TMEM243: variants seen among roughly 807,000 people sequenced by gnomAD.
The protein encoded by TMEM243 is MDR1 and mitochondrial taxol resistance associated.
In TMEM243, 20 loss-of-function variants were observed where a neutral mutation model predicts 15.0. The ratio of observed to expected loss-of-function variants is 1.33; its 90% CI spans 0.94 to 1.93. The LOEUF is 1.93. Among genes scored for constraint, TMEM243 ranks in the 30% most tolerant of loss-of-function variants. TMEM243 has a pLI of 0.00. For synonymous variants in TMEM243, 72 were observed against 52.7 expected, an observed-to-expected ratio of 1.37 and a Z score of -1.59; for missense variants, 156 against 142.1, an observed-to-expected ratio of 1.10 and a Z score of -0.50.
intron 1 of TMEM243, among the ~76,000 whole-genome samples, chr7:87,201,446 A>G (rs1215793499): frequency 2.0e-5 from 3 of 152,226 alleles, no homozygotes; most frequent in Admixed American, 6.5e-5. Context: ...GCTGTGCTCT[A>G]AAGTTTAGTC....
At chr7:87,200,588 A>G (rs1229523704) in intron 1 of TMEM243, among the ~76,000 whole-genome samples, 1 of 152,226 alleles carries the variant, frequency 6.6e-6, no homozygotes, top group Admixed American at 6.5e-5. Flanking sequence ...AATGACACAC[A>G]GCAAGTTGCC....
At chr7:87,219,987 C>G (rs981456601), upstream of TMEM243, among the ~76,000 whole-genome samples, 1 of 152,212 alleles carries the variant, frequency 6.6e-6, no homozygotes, top group African/African-American at 2.4e-5. Context: ...ACGGTAAGCA[C>G]GTATTCCTTC....
chr7:87,209,607 A>AGT (rs1562884662), intron 1 of TMEM243, among the ~76,000 whole-genome samples: 159 of 139,586 alleles, frequency 1.1e-3, no homozygotes, highest in African/African-American at 4.0e-3. Context: ...TGAGAGAGAG[A>AGT]GAGACAGAGA....
rs187276056 is a variant in TMEM243 at position 87,214,475 on chromosome 7, C to T, written c.78+4951G>A. Among the ~76,000 whole-genome samples the T allele has an allele frequency of 1.6e-3, 248 of 152,272 alleles. 1 individual carries two copies. The highest frequency in any genetic ancestry group is 5.7e-3 in the African/African-American group (235 of 41,548). ...TGAACCATGTTTCCCAAAGTATATT[C>T]TGCAGAAACGTATCTAGTGAATGCT... On this transcript the variant is annotated intron_variant, in intron 1 of 3. Coordinates refer to ENST00000257637, the MANE Select transcript of TMEM243 (RefSeq NM_024315.4).
At chr7:87,209,346 T>A (rs1802442165) in intron 1 of TMEM243, among the ~76,000 whole-genome samples, 1 of 144,656 alleles carries the variant, frequency 6.9e-6, no homozygotes, top group African/African-American at 2.6e-5. Context: ...GGAGAAGAGG[T>A]TGAGAGGGGG....
upstream of TMEM243, chr7:87,220,402 C>G (rs1164445098): frequency 1.3e-5 from 2 of 152,366 alleles, no homozygotes; most frequent in African/African-American, 4.8e-5. Context: ...GGGCCCTGGC[C>G]GCGCCGGGGA....
intron 1 of TMEM243, among the ~76,000 whole-genome samples, chr7:87,211,344 ATG>A (rs1802731273): frequency 1.3e-5 from 2 of 152,122 alleles, no homozygotes; most frequent in African/African-American, 4.8e-5. Flanking sequence ...TTCTCCTGGG[ATG>A]GGGAAAGAGC....
At chr7:87,198,377 A>G (rs556893743) in intron 2 of TMEM243, 13 of 231,598 alleles carry the variant, frequency 5.6e-5, no homozygotes, top group Non-Finnish European at 9.2e-5. Context: ...AAATATTTCT[A>G]GCAAAATGAA....
chr7:87,218,005 T>C (rs10245036), intron 1 of TMEM243, among the ~76,000 whole-genome samples: 106,201 of 152,278 alleles, frequency 0.7, 37,894 homozygotes, highest in Middle Eastern at 0.84. Flanking sequence ...CCCCAATCTA[T>C]GTGCTGAAGC....
intron 1 of TMEM243, among the ~76,000 whole-genome samples, chr7:87,206,582 A>G (rs1235910947): frequency 6.6e-6 from 1 of 152,248 alleles, no homozygotes; most frequent in Non-Finnish European, 1.5e-5. Context: ...GGCAGGTAGC[A>G]TCTACTGGAC....
intron 1 of TMEM243, among the ~76,000 whole-genome samples, chr7:87,208,106 C>T (rs1159753813): frequency 6.6e-6 from 1 of 152,184 alleles, no homozygotes; most frequent in Non-Finnish European, 1.5e-5. Flanking sequence ...AATTTCATCC[C>T]TGGCCCCTCC....
chr7:87,217,600 A>T (rs2129240963), intron 1 of TMEM243, among the ~76,000 whole-genome samples: 1 of 152,290 alleles, frequency 6.6e-6, no homozygotes, highest in African/African-American at 2.4e-5. Context: ...GAATTTATCT[A>T]TGTCCAATCA....
At chr7:87,201,379 T>A (rs1320364647) in intron 1 of TMEM243, among the ~76,000 whole-genome samples, 2 of 152,198 alleles carry the variant, frequency 1.3e-5, no homozygotes, top group Non-Finnish European at 2.9e-5. Context: ...ACCAACTGAA[T>A]CAGAATCTGC....
intron 3 of TMEM243, among the ~76,000 whole-genome samples, chr7:87,197,227 C>A (rs1315687749): frequency 2.0e-5 from 3 of 151,990 alleles, no homozygotes; most frequent in Admixed American, 2.0e-4. Flanking sequence ...AGTTCTTCTT[C>A]GGGTCATGGG....
intron 2 of TMEM243, chr7:87,198,353 C>A: frequency 7.3e-6 from 2 of 274,516 alleles, no homozygotes; most frequent in African/African-American, 2.2e-5. Context: ...AAGTTCTAGC[C>A]ATTTTGTTAT....
At chr7:87,212,547 A>T (rs1445272059) in intron 1 of TMEM243, among the ~76,000 whole-genome samples, 1 of 152,216 alleles carries the variant, frequency 6.6e-6, no homozygotes, top group Admixed American at 6.5e-5. Context: ...CCTCAGTTTA[A>T]GTTTTTTTTA....
intron 1 of TMEM243, among the ~76,000 whole-genome samples, chr7:87,209,639 AGAGAGACAGT>A (rs1802511453): frequency 9.2e-6 from 1 of 108,428 alleles, no homozygotes; most frequent in Admixed American, 9.9e-5. Flanking sequence ...ATAGAGAGCG[AGAGAGACAGT>A]GAGAGACAGA....
In TMEM243 at chr7:87,219,697, C is replaced by T; in HGVS notation, c.-194G>A. ...ACGCGACTGCTCCGCCCCGGCCCCGCGCACCTCCTCATCTTGAGCAGCTGC... is the reference window on the plus strand; with the variant it reads ...ACGCGACTGCTCCGCCCCGGCCCCGTGCACCTCCTCATCTTGAGCAGCTGC... On this transcript the variant is annotated 5_prime_UTR_variant, in exon 1 of 4. Transcript: ENST00000257637. 1.7e-6 allele frequency: 1 copy of T among 592,980 alleles called. No homozygotes were observed. 36.7% of individuals were successfully genotyped at this position (592,980 alleles called of 1,614,324 possible). A position where few individuals can be genotyped will look rare whatever the true frequency, so the allele number is the denominator to read the frequency against.
intron 1 of TMEM243, among the ~76,000 whole-genome samples, chr7:87,215,478 AATT>A (rs765007989): frequency 6.6e-6 from 1 of 152,188 alleles, no homozygotes; most frequent in Non-Finnish European, 1.5e-5. Flanking sequence ...GGTTAAATAA[AATT>A]ATTAATATTT....
Sources: gnomAD v4.1 joint callset for allele counts (sites outside exome capture counted in the v4.1 genomes callset) on GRCh38, gnomAD v4.1.1 for gene constraint, MANE v1.5 for transcripts, NCBI Gene and HGNC (gene_info 2026-07-23, HGNC 2026-07-21) for gene names.